DLG2: variants seen among roughly 807,000 people sequenced by gnomAD.
The protein encoded by DLG2 is discs large MAGUK scaffold protein 2.
Under a neutral mutation model 132.5 loss-of-function variants are expected in DLG2, and 45 were observed. The ratio of observed to expected loss-of-function variants is 0.34; its 90% CI spans 0.27 to 0.44. The LOEUF (loss-of-function observed/expected upper bound fraction) is 0.44. DLG2 is among the 20% of genes least tolerant of loss of function. DLG2 has a pLI of 1.00. For synonymous variants in DLG2, 424 were observed against 419.6 expected, an observed-to-expected ratio of 1.01 and a Z score of -0.13; for missense variants, 1,045 against 1,196.9, an observed-to-expected ratio of 0.87 and a Z score of 1.87.
chr11:85,391,505 T>C (rs1445274736), intron 3 of DLG2, among the ~76,000 whole-genome samples: 1 of 152,036 alleles, frequency 6.6e-6, no homozygotes, highest in Non-Finnish European at 1.5e-5. Context: ...TACAGACCAA[T>C]ATCTCTGATG....
chr11:85,403,106 C>T (rs1397258277), intron 3 of DLG2, among the ~76,000 whole-genome samples: 1 of 151,912 alleles, frequency 6.6e-6, no homozygotes, highest in Admixed American at 6.6e-5. Flanking sequence ...TGTCCATCAA[C>T]AATAGACTGG....
intron 18 of DLG2, among the ~76,000 whole-genome samples, chr11:83,760,367 A>C (rs1435233867): frequency 6.6e-6 from 1 of 152,218 alleles, no homozygotes; most frequent in African/African-American, 2.4e-5. Flanking sequence ...TGCATAGTGC[A>C]AAAGCTGAGA....
At chr11:83,461,691 A>G in intron 27 of DLG2, 2 of 251,764 alleles carry the variant, frequency 7.9e-6, no homozygotes, top group Admixed American at 4.9e-5. Flanking sequence ...TCAGGGAGAT[A>G]GTTTAATGAG....
chr11:83,708,534 A>G (rs1203240501), intron 18 of DLG2, among the ~76,000 whole-genome samples: 1 of 152,212 alleles, frequency 6.6e-6, no homozygotes. Flanking sequence ...TCTCAAGACA[A>G]TATGATAACA....
intron 7 of DLG2, among the ~76,000 whole-genome samples, chr11:84,424,277 T>C (rs2098959653): frequency 6.6e-6 from 1 of 152,120 alleles, no homozygotes; most frequent in Non-Finnish European, 1.5e-5. Context: ...TGCCCATCCA[T>C]GCTGATATTG....
At chr11:83,647,051 G>C (rs1036297184) in intron 18 of DLG2, 1 of 152,070 alleles carries the variant, frequency 6.6e-6, no homozygotes, top group South Asian at 2.1e-4. Flanking sequence ...CCAAATTAAT[G>C]ATGAGGCACT....
At chr11:85,374,425 T>A (rs1270654767) in intron 3 of DLG2, among the ~76,000 whole-genome samples, 2 of 152,232 alleles carry the variant, frequency 1.3e-5, no homozygotes, top group East Asian at 1.9e-4. Flanking sequence ...AGGTGATTAA[T>A]CACCAATATG....
At chr11:83,776,932 T>C (rs1241793390) in intron 18 of DLG2, among the ~76,000 whole-genome samples, 2 of 152,206 alleles carry the variant, frequency 1.3e-5, no homozygotes, top group Non-Finnish European at 2.9e-5. Context: ...ACCTAGACTT[T>C]AAGATTTTGG....
intron 4 of DLG2, among the ~76,000 whole-genome samples, chr11:85,200,861 T>C (rs953682335): frequency 6.6e-6 from 1 of 151,902 alleles, no homozygotes; most frequent in East Asian, 1.9e-4. Flanking sequence ...TTGCTAGGAA[T>C]CACAGACCTG....
intron 6 of DLG2, among the ~76,000 whole-genome samples, chr11:84,643,914 T>C (rs531932475): frequency 1.7e-4 from 26 of 152,324 alleles, no homozygotes; most frequent in African/African-American, 6.3e-4. Flanking sequence ...TTTATATATG[T>C]TACCTCTGAT....
intron 6 of DLG2, among the ~76,000 whole-genome samples, chr11:84,673,714 T>C (rs1162108615): frequency 6.6e-6 from 1 of 151,800 alleles, no homozygotes; most frequent in Non-Finnish European, 1.5e-5. Context: ...TGAACCAAGA[T>C]GATAAAAAAT....
intron 15 of DLG2, among the ~76,000 whole-genome samples, chr11:83,881,461 ATG>A (rs1441312804): frequency 1.3e-5 from 2 of 152,182 alleles, no homozygotes; most frequent in Non-Finnish European, 2.9e-5. Flanking sequence ...AGCATTTAAG[ATG>A]TGTTGGCCAT....
At chr11:83,615,139 C>T (rs916974256) in intron 19 of DLG2, among the ~76,000 whole-genome samples, 2 of 152,102 alleles carry the variant, frequency 1.3e-5, no homozygotes, top group Admixed American at 1.3e-4. Flanking sequence ...TAGGAAGCAC[C>T]ATTACAGAGG....
upstream of DLG2, chr11:85,627,962 C>T (rs1284524769): frequency 6.5e-6 from 1 of 152,890 alleles, no homozygotes; most frequent in Non-Finnish European, 1.5e-5. Context: ...GCAGTGCCCC[C>T]CACCCCGAGA....
intron 18 of DLG2, among the ~76,000 whole-genome samples, chr11:83,690,291 A>T (rs928762498): frequency 6.6e-6 from 1 of 151,384 alleles, no homozygotes; most frequent in African/African-American, 2.4e-5. Context: ...ACCAAGCACT[A>T]AAGAAATATC....
At chr11:83,610,186 C>T (rs999055698) in intron 19 of DLG2, among the ~76,000 whole-genome samples, 1 of 152,124 alleles carries the variant, frequency 6.6e-6, no homozygotes, top group Non-Finnish European at 1.5e-5. Context: ...TGACTAAAAC[C>T]GAGCGTGAGA....
At chr11:84,323,648 T>A (rs568956420) in intron 7 of DLG2, among the ~76,000 whole-genome samples, 1 of 152,082 alleles carries the variant, frequency 6.6e-6, no homozygotes, top group South Asian at 2.1e-4. Context: ...CCATTTTACA[T>A]TCCCCAAAAC....
rs148547680 is a variant in DLG2, at chr11:84,657,985, T to G, written c.358-123254A>C. ...ATAATAAAGATGACATTTCTCTGCC[T>G]TCTTGGAAGCTTTGGTATAGCAATC... is the stretch of plus-strand genomic sequence containing the variant. On this transcript the variant is annotated intron_variant, in intron 6 of 27. Coordinates refer to ENST00000376104, the MANE Select transcript of DLG2 (RefSeq NM_001142699.3). 2.7e-3 allele frequency among the ~76,000 whole-genome samples: 417 copies of G among 152,300 alleles called. 4 individuals are homozygous for G. Among genetic ancestry groups the G allele is most frequent in the African/African-American group, 9.9e-3 (411 of 41,568 alleles).
chr11:83,628,200 C>T (rs2062943487), intron 19 of DLG2, among the ~76,000 whole-genome samples: 1 of 152,160 alleles, frequency 6.6e-6, no homozygotes, highest in Non-Finnish European at 1.5e-5. Flanking sequence ...TTTTGCTGTG[C>T]AGAAGCTCTT....
Sources: allele counts gnomAD v4.1 joint callset (sites outside exome capture counted in the v4.1 genomes callset), GRCh38; gene constraint gnomAD v4.1.1; transcripts MANE v1.5; gene names NCBI Gene and HGNC (gene_info 2026-07-23, HGNC 2026-07-21).